Variants in MCC observed in about 807,000 individuals in gnomAD.
MCC encodes the protein MCC regulator of Wnt signaling pathway.
A neutral mutation model predicts 116.2 loss-of-function variants in MCC; 90 were observed. That is an observed-to-expected ratio of 0.77 (90% CI 0.65 to 0.92). The LOEUF (loss-of-function observed/expected upper bound fraction) is 0.92, where lower values mean the gene tolerates loss of function less well. Ranked by LOEUF, MCC falls within the 40% of genes least tolerant of loss-of-function variation. MCC has a pLI of 0.00. For missense variants in MCC, 1,516 were observed against 1,312.2 expected (o/e 1.16, Z -2.40); for synonymous variants, 578 against 510.5 (o/e 1.13, Z -1.78).
chr5:113,133,954 T>C (rs1399513418), intron 5 of MCC, among the ~76,000 whole-genome samples: 2 of 152,222 alleles, frequency 1.3e-5, no homozygotes, highest in African/African-American at 4.8e-5. Flanking sequence ...ATCAGATTTG[T>C]TTTTTGTGCT....
At chr5:113,176,033 G>A (rs1418883536) in intron 3 of MCC, among the ~76,000 whole-genome samples, 1 of 152,146 alleles carries the variant, frequency 6.6e-6, no homozygotes, top group East Asian at 1.9e-4. Context: ...GATTTTCAAG[G>A]AGCTGATTTT....
chr5:113,322,329 G>T (rs1251809819), intron 3 of MCC, among the ~76,000 whole-genome samples: 3 of 152,012 alleles, frequency 2.0e-5, no homozygotes, highest in Non-Finnish European at 2.9e-5. Flanking sequence ...ATCTAATATG[G>T]CTGTACTATA....
chr5:113,077,163 C>T (rs1202959450), intron 11 of MCC, among the ~76,000 whole-genome samples: 1 of 152,154 alleles, frequency 6.6e-6, no homozygotes, highest in Non-Finnish European at 1.5e-5. Context: ...AAAGCAAGTC[C>T]TTAGAGACCT....
At chr5:113,376,857 T>C (rs1768999756) in intron 2 of MCC, among the ~76,000 whole-genome samples, 1 of 152,070 alleles carries the variant, frequency 6.6e-6, no homozygotes, top group Admixed American at 6.6e-5. Flanking sequence ...GCCTGGCCAA[T>C]CAGATCACTG....
chr5:113,415,066 C>G (rs1016787497), intron 1 of MCC, among the ~76,000 whole-genome samples: 2 of 152,152 alleles, frequency 1.3e-5, no homozygotes, highest in Non-Finnish European at 2.9e-5. Context: ...GTTGAAAATT[C>G]TTTTCTTTAA....
At chr5:113,482,615 TTTATTA>T (rs1339146816) in intron 1 of MCC, among the ~76,000 whole-genome samples, 3 of 152,238 alleles carry the variant, frequency 2.0e-5, no homozygotes, top group African/African-American at 4.8e-5. Context: ...TATTTGTCTT[TTTATTA>T]TTAAGTATTC....
rs529762064 is a variant in MCC at position 113,153,390 on chromosome 5, G to C, written c.628-1968C>G. Among the ~76,000 whole-genome samples the C allele has an allele frequency of 3.4e-4, 52 of 152,300 alleles. No homozygotes were observed. In the Middle Eastern group the frequency reaches 0.014, roughly 40 times the overall value. ...GACTCCATGAACTGGGCCAGATGGA[G>C]ACACACACAGAGTACTTACTTCCAT... is the stretch of plus-strand genomic sequence containing the variant. On this transcript the variant is annotated intron_variant, in intron 3 of 18. Transcript: ENST00000408903.
At chr5:113,267,875 C>G (rs1347415899) in intron 3 of MCC, among the ~76,000 whole-genome samples, 4 of 152,120 alleles carry the variant, frequency 2.6e-5, no homozygotes, top group Non-Finnish European at 5.9e-5. Flanking sequence ...CATTTCAAAG[C>G]TATTAAACCT....
intron 6 of MCC, 103 bp downstream of exon 6, chr5:113,122,581 C>T: frequency 7.2e-7 from 1 of 1,390,716 alleles, no homozygotes. Context: ...CAGCAAACCC[C>T]TTGAAAAATT....
intron 13 of MCC, among the ~76,000 whole-genome samples, chr5:113,066,284 G>C (rs922929310): frequency 2.6e-5 from 4 of 152,216 alleles, no homozygotes; most frequent in African/African-American, 4.8e-5. Context: ...CTGGAAATAC[G>C]ATTGACTTTT....
Position 113,027,338 on chromosome 5 carries a change from C to G in MCC, c.3024G>C (p.Glu1008Asp). ...LKQRIALLEE[E>D]NSRPHTNETS... ...TTTCATTGGTGTGTGGCCTGGAGTT[C>G]TCCTCCTCTAGCAGAGCTATTCTTT... Residue 1008 changes from glutamate to aspartate, a missense_variant, in exon 19 of 19, where the codon GAG becomes GAC. Transcript: ENST00000408903. 6.2e-7 allele frequency: 1 copy of G among 1,614,146 alleles called. No homozygotes were observed. The highest frequency in any genetic ancestry group is 1.1e-5 in the South Asian group (1 of 91,088).
Position 113,235,412 on chromosome 5 carries a change from T to C in MCC, c.628-83990A>G, listed in dbSNP as rs56096608. On this transcript the variant is annotated intron_variant, in intron 3 of 18. Transcript: ENST00000408903. ...ATAATTTTTATATCTGATTAGACTA[T>C]GTTAGTGCATTAGTTTCTTCATTCC... Among the ~76,000 whole-genome samples, 651 of 152,326 alleles carry C rather than the reference T, an allele frequency of 4.3e-3. 4 individuals are homozygous for C. Among genetic ancestry groups the C allele is most frequent in the African/African-American group, 0.015 (614 of 41,562 alleles).
intron 1 of MCC, among the ~76,000 whole-genome samples, chr5:113,485,053 T>C (rs937189179): frequency 1.3e-5 from 2 of 152,192 alleles, no homozygotes; most frequent in African/African-American, 4.8e-5. Flanking sequence ...GTCCCTTTTA[T>C]AGGCTAAAGT....
chr5:113,423,707 GA>G (rs1231379536), intron 1 of MCC, among the ~76,000 whole-genome samples: 1 of 152,116 alleles, frequency 6.6e-6, no homozygotes, highest in Non-Finnish European at 1.5e-5. Context: ...ACAGGAGAAT[GA>G]GTTGAAGGTG....
intron 5 of MCC, among the ~76,000 whole-genome samples, chr5:113,127,177 T>C (rs949902734): frequency 1.3e-5 from 2 of 152,192 alleles, no homozygotes; most frequent in African/African-American, 4.8e-5. Flanking sequence ...CCACAAGACA[T>C]GAGCTTGTAT....
At chr5:113,054,446 T>C (rs1752681089) in intron 14 of MCC, among the ~76,000 whole-genome samples, 1 of 152,190 alleles carries the variant, frequency 6.6e-6, no homozygotes, top group Non-Finnish European at 1.5e-5. Context: ...AAAAGGTATA[T>C]TTAAGGCAAC....
intron 3 of MCC, among the ~76,000 whole-genome samples, chr5:113,242,016 G>A (rs547783819): frequency 1.3e-5 from 2 of 152,284 alleles, no homozygotes; most frequent in East Asian, 3.9e-4. Flanking sequence ...TCAAACAACA[G>A]TATAAAATGA....
At chr5:113,387,148 G>A (rs1769280353) in intron 1 of MCC, among the ~76,000 whole-genome samples, 1 of 151,896 alleles carries the variant, frequency 6.6e-6, no homozygotes. Context: ...ATCTAGCCTG[G>A]GTCTCAAAAC....
chr5:113,465,020 A>T (rs1489311460), intron 1 of MCC, among the ~76,000 whole-genome samples: 1 of 152,132 alleles, frequency 6.6e-6, no homozygotes, highest in Non-Finnish European at 1.5e-5. Flanking sequence ...TTAGAAACGT[A>T]TCCTATTTCC....
Sources: allele counts gnomAD v4.1 joint callset (sites outside exome capture counted in the v4.1 genomes callset), GRCh38; gene constraint gnomAD v4.1.1; transcripts MANE v1.5; gene names NCBI Gene and HGNC (gene_info 2026-07-23, HGNC 2026-07-21).